STEEP1: variants seen among roughly 807,000 people sequenced by gnomAD.
The protein encoded by STEEP1 is STING ER exit protein.
STEEP1 carries 3 observed loss-of-function variants against 19.2 expected under a neutral mutation model. The ratio of observed to expected loss-of-function variants is 0.16; its 90% CI spans 0.07 to 0.40. The LOEUF (loss-of-function observed/expected upper bound fraction) is 0.40, where lower values mean the gene tolerates loss of function less well. Among genes scored for constraint, STEEP1 ranks in the 10% least tolerant of loss-of-function variants. The probability of loss-of-function intolerance (pLI) is 0.99; values close to 1 mark genes in which losing one functional copy is unlikely to be tolerated. For missense variants in STEEP1, 54 were observed against 177.1 expected (o/e 0.30, Z 3.94); for synonymous variants, 46 against 63.7 (o/e 0.72, Z 1.32).
Position 119,544,507 on chromosome X carries a change from G to A in STEEP1, c.285-16C>T. Reference sequence around the variant, plus strand: ...CAGTCCACACCTGCAATGACACAGTGAATTTCTGCGAGGTCTCATAATCCA... The same window carrying A: ...CAGTCCACACCTGCAATGACACAGTAAATTTCTGCGAGGTCTCATAATCCA... On this transcript the variant is annotated splice_polypyrimidine_tract_variant and intron_variant, in intron 3 of 6. Transcript: ENST00000644802. 1 of 1,202,103 alleles carries A rather than the reference G, an allele frequency of 8.3e-7. No homozygotes were observed. Among genetic ancestry groups the A allele is most frequent in the Non-Finnish European group, 1.1e-6 (1 of 889,333 alleles).
chrX:119,562,893 C>G (rs951014774), intron 1 of STEEP1, among the ~76,000 whole-genome samples: 17 of 111,082 alleles, frequency 1.5e-4, no homozygotes, highest in African/African-American at 5.2e-4. Flanking sequence ...TAGCAGAGAC[C>G]TGAATGAAGT....
chrX:119,545,035 G>A, intron 3 of STEEP1, among the ~76,000 whole-genome samples: 1 of 111,141 alleles, frequency 9.0e-6, no homozygotes, highest in Non-Finnish European at 1.9e-5. Flanking sequence ...CATAGTTGAA[G>A]TCTGAAGGCA....
At chrX:119,544,565 T>C in intron 3 of STEEP1, 74 bp from the exon 4 acceptor site, 1 of 1,001,668 alleles carries the variant, frequency 1.0e-6, no homozygotes, top group East Asian at 3.1e-5. Context: ...AAAGTGTGCT[T>C]AGACTCTGGG....
chrX:119,549,764 A>G (rs1177759357), intron 2 of STEEP1, among the ~76,000 whole-genome samples: 2 of 112,147 alleles, frequency 1.8e-5, no homozygotes, highest in Non-Finnish European at 3.8e-5. Context: ...GCAATAACAG[A>G]CCTACTCACA....
chrX:119,545,595 T>G, intron 2 of STEEP1, 91 bp from the exon 3 acceptor site: 1 of 607,480 alleles, frequency 1.6e-6, no homozygotes, highest in Non-Finnish European at 2.7e-6. Context: ...AAGAGGCCCT[T>G]TCAAAAGTTT....
At chrX:119,562,254 G>A (rs979029229) in intron 1 of STEEP1, among the ~76,000 whole-genome samples, 3 of 111,432 alleles carry the variant, frequency 2.7e-5, no homozygotes, top group East Asian at 2.8e-4. Flanking sequence ...AAAATTAACC[G>A]GGTGCGGTTG....
intron 2 of STEEP1, among the ~76,000 whole-genome samples, chrX:119,547,903 A>G (rs1305300845): frequency 8.9e-6 from 1 of 111,755 alleles, no homozygotes; most frequent in African/African-American, 3.2e-5. Context: ...CGGACGTGGT[A>G]GCTCATACCT....
chrX:119,548,854 C>CGCACGCACACAT (rs2053225628), intron 2 of STEEP1, among the ~76,000 whole-genome samples: 1 of 111,874 alleles, frequency 8.9e-6, no homozygotes, highest in African/African-American at 3.2e-5. Flanking sequence ...AAAGGTGGCA[C>CGCACGCACACAT]GCACGCACAC....
intron 2 of STEEP1, among the ~76,000 whole-genome samples, chrX:119,545,841 C>T (rs2053200036): frequency 9.7e-6 from 1 of 103,505 alleles, no homozygotes; most frequent in South Asian, 4.3e-4. Context: ...TGCGGTGAGC[C>T]GAGAGCGAGC....
chrX:119,560,512 CT>C, intron 1 of STEEP1, 127 bp from the exon 2 acceptor site: 1 of 478,031 alleles, frequency 2.1e-6, no homozygotes, highest in Admixed American at 3.3e-5. Context: ...AATTACTATG[CT>C]TATTGAAACC....
rs1410090991 is a variant in STEEP1 at position 119,555,252 on chromosome X, TA to T, written c.242+5015del. Among the ~76,000 whole-genome samples the T allele has an allele frequency of 1.5e-3, 154 of 103,497 alleles. 1 individual carries two copies. The East Asian group carries it at 0.017, about 11-fold the overall frequency. 89.9% of individuals were successfully genotyped at this position (103,497 alleles called of 115,157 possible). A position where few individuals can be genotyped will look rare whatever the true frequency, so the allele number is the denominator to read the frequency against. Reference sequence around the variant, plus strand: ...CATAAAATGATAAATGTTTGTTCTTTAAAAAAAAAAAAATCAAGAGAGTACC... The same window carrying T: ...CATAAAATGATAAATGTTTGTTCTTTAAAAAAAAAAAATCAAGAGAGTACC... On this transcript the variant is annotated intron_variant, in intron 2 of 6. Transcript: ENST00000644802.
chrX:119,548,759 ACTC>A (rs1256849422), intron 2 of STEEP1, among the ~76,000 whole-genome samples: 1 of 111,068 alleles, frequency 9.0e-6, no homozygotes, highest in Non-Finnish European at 1.9e-5. Context: ...AGATATGTGC[ACTC>A]TCATGCTCAT....
At chrX:119,544,602 A>ATGAC in intron 3 of STEEP1, 111 bp from the exon 4 acceptor site, 1 of 728,467 alleles carries the variant, frequency 1.4e-6, no homozygotes, top group Non-Finnish European at 2.0e-6. Context: ...GCATAAACTA[A>ATGAC]TGACTGGCTC....
chrX:119,563,580 G>A (rs369748660), intron 1 of STEEP1, among the ~76,000 whole-genome samples: 21 of 105,172 alleles, frequency 2.0e-4, no homozygotes, highest in East Asian at 8.9e-4. Flanking sequence ...AAAACTAGCC[G>A]GGCCTGGTGG....
intron 1 of STEEP1, among the ~76,000 whole-genome samples, chrX:119,563,816 A>G (rs1447342725): frequency 1.8e-5 from 2 of 112,123 alleles, no homozygotes; most frequent in Admixed American, 1.9e-4. Flanking sequence ...GATGTAAGGT[A>G]CGTGACAGAC....
chrX:119,558,531 C>T (rs1240035149), intron 2 of STEEP1, among the ~76,000 whole-genome samples: 2 of 111,031 alleles, frequency 1.8e-5, no homozygotes, highest in Non-Finnish European at 3.8e-5. Flanking sequence ...AGCGAGACTC[C>T]GTCTCCAAAA....
chrX:119,561,180 A>C (rs2053317949), intron 1 of STEEP1, among the ~76,000 whole-genome samples: 1 of 109,316 alleles, frequency 9.1e-6, no homozygotes, highest in Non-Finnish European at 1.9e-5. Flanking sequence ...TGGAGGTTGC[A>C]GTGAGCCAAT....
At chrX:119,559,205 C>T (rs1052611709) in intron 2 of STEEP1, among the ~76,000 whole-genome samples, 5 of 107,813 alleles carry the variant, frequency 4.6e-5, no homozygotes, top group Non-Finnish European at 7.6e-5. Context: ...GCAACAAGAG[C>T]GAAACTCCGT....
Position 119,538,253 on chromosome X carries a change from T to G in STEEP1, c.*1474A>C, listed in dbSNP as rs1222402216. ...AGTGTGACATAAAATAACATCTATA[T>G]ATACAACACTCCTCTGCAAATAACA... is the stretch of plus-strand genomic sequence containing the variant. On this transcript the variant is annotated 3_prime_UTR_variant, in exon 7 of 7. Transcript: ENST00000644802. The G allele has an allele frequency of 9.0e-6, 1 of 111,198 alleles. No homozygotes were observed. Among genetic ancestry groups the G allele is most frequent in the Non-Finnish European group, 1.9e-5 (1 of 53,167 alleles). The allele number at this position is 111,198 out of a possible 1,213,427, so 9.2% of individuals were successfully genotyped here.
Sources: gnomAD v4.1 joint callset for allele counts (sites outside exome capture counted in the v4.1 genomes callset) on GRCh38, gnomAD v4.1.1 for gene constraint, MANE v1.5 for transcripts, NCBI Gene and HGNC (gene_info 2026-07-23, HGNC 2026-07-21) for gene names.